The following PCDH7 variants were observed in gnomAD, a reference collection of about 807,000 sequenced individuals.
PCDH7 encodes the protein protocadherin-7.
Under a neutral mutation model 58.9 loss-of-function variants are expected in PCDH7, and 17 were observed. The ratio of observed to expected loss-of-function variants is 0.29; its 90% CI spans 0.20 to 0.43. The LOEUF is 0.43. Ranked by LOEUF, PCDH7 falls within the 20% of genes least tolerant of loss-of-function variation. The pLI, the probability that PCDH7 is intolerant of heterozygous loss-of-function variation, is 1.00. For synonymous variants in PCDH7, 664 were observed against 616.4 expected, an observed-to-expected ratio of 1.08 and a Z score of -1.14; for missense variants, 1,274 against 1,441.0, an observed-to-expected ratio of 0.88 and a Z score of 1.88.
intron 1 of PCDH7, among the ~76,000 whole-genome samples, chr4:30,839,112 T>C (rs979119499): frequency 2.0e-5 from 3 of 151,748 alleles, no homozygotes; most frequent in African/African-American, 7.3e-5. Context: ...ATCTATGTTA[T>C]ATGTAGTATA....
chr4:30,793,711 C>T (rs1365520792), intron 1 of PCDH7, among the ~76,000 whole-genome samples: 16 of 152,070 alleles, frequency 1.1e-4, no homozygotes, highest in African/African-American at 3.6e-4. Context: ...TCCACAAACT[C>T]GAAGCATATG....
chr4:30,724,180 G>A (rs375645975), exon 1 of PCDH7: 73 of 1,613,848 alleles, frequency 4.5e-5, no homozygotes, highest in Non-Finnish European at 5.8e-5. Context: ...AAAAGATCAC[G>A]AAGACTTTTT....
chr4:30,904,484 A>G (rs1223787122), intron 1 of PCDH7, among the ~76,000 whole-genome samples: 1 of 152,104 alleles, frequency 6.6e-6, no homozygotes, highest in Non-Finnish European at 1.5e-5. Flanking sequence ...TCAATAGACA[A>G]TTTACCCATT....
intron 1 of PCDH7, among the ~76,000 whole-genome samples, chr4:30,835,328 C>A (rs935767055): frequency 6.6e-6 from 1 of 151,854 alleles, no homozygotes; most frequent in African/African-American, 2.4e-5. Flanking sequence ...CTGTCTCCTG[C>A]CAGACGAGCG....
intron 3 of PCDH7, among the ~76,000 whole-genome samples, chr4:31,037,021 C>T (rs373380216): frequency 7.2e-5 from 11 of 152,072 alleles, no homozygotes; most frequent in Admixed American, 3.9e-4. Flanking sequence ...CCTCCCACCG[C>T]GTCCCTCCCA....
intron 3 of PCDH7, among the ~76,000 whole-genome samples, chr4:31,022,974 A>G (rs1267398038): frequency 2.0e-5 from 3 of 152,248 alleles, no homozygotes; most frequent in East Asian, 1.9e-4. Flanking sequence ...TGGAAGTAAC[A>G]TAATCAGGTA....
At chr4:30,940,484 G>A (rs1004387326) in intron 2 of PCDH7, among the ~76,000 whole-genome samples, 1 of 151,858 alleles carries the variant, frequency 6.6e-6, no homozygotes, top group Non-Finnish European at 1.5e-5. Flanking sequence ...TAATACACTA[G>A]CATAGTACAA....
intron 3 of PCDH7, among the ~76,000 whole-genome samples, chr4:30,969,028 G>A (rs1041311167): frequency 1.3e-5 from 2 of 152,020 alleles, no homozygotes; most frequent in East Asian, 1.9e-4. Context: ...CATTTTGTAC[G>A]TACTCTCGGT....
chr4:31,146,161 T>A (rs1351662194), downstream of PCDH7: 2 of 151,988 alleles, frequency 1.3e-5, no homozygotes, highest in Admixed American at 6.6e-5. Flanking sequence ...ACTAAGATGG[T>A]ACTGAGGATG....
rs111315231 is a variant in PCDH7, at chr4:31,105,104, C to T, written c.*8-37369C>T. Among the ~76,000 whole-genome samples, 21 of 152,240 alleles carry T rather than the reference C, an allele frequency of 1.4e-4. 1 individual carries two copies. The highest frequency in any genetic ancestry group is 4.6e-4 in the African/African-American group (19 of 41,544). On this transcript the variant is annotated intron_variant, in intron 3 of 3. Transcript: ENST00000509759. ...TAAAGTAGAATGGGGAATAAAGTTC[C>T]TCGTTGAAAATATTAAATCCTAAAC...
At chr4:30,750,119 A>G (rs1718313570) in intron 1 of PCDH7, among the ~76,000 whole-genome samples, 1 of 152,188 alleles carries the variant, frequency 6.6e-6, no homozygotes, top group African/African-American at 2.4e-5. Flanking sequence ...GAATGTAGAT[A>G]ATGCCATGTT....
intron 1 of PCDH7, among the ~76,000 whole-genome samples, chr4:30,836,520 T>C (rs775973465): frequency 2.0e-5 from 3 of 152,222 alleles, no homozygotes; most frequent in Non-Finnish European, 4.4e-5. Context: ...TAAGTTGCTT[T>C]ATAAAGAATA....
At chr4:31,123,880 C>T (rs1171804489) in intron 3 of PCDH7, among the ~76,000 whole-genome samples, 1 of 152,048 alleles carries the variant, frequency 6.6e-6, no homozygotes, top group Non-Finnish European at 1.5e-5. Context: ...TCCAACCGTC[C>T]CCAGCCAAAC....
At chr4:31,043,289 G>A (rs1398146294) in intron 3 of PCDH7, among the ~76,000 whole-genome samples, 3 of 151,986 alleles carry the variant, frequency 2.0e-5, no homozygotes, top group Admixed American at 1.3e-4. Context: ...TATTCCTTTG[G>A]GTATATACCC....
Position 30,880,053 on chromosome 4 carries a change from C to T in PCDH7, c.71-40100C>T, listed in dbSNP as rs551845822. On this transcript the variant is annotated intron_variant, in intron 1 of 3. Transcript: ENST00000509759. Reference sequence around the variant, plus strand: ...GAACCCCCACTCTTAGTCAGTATACCAGATTGACTCATGGAATATTTAATG... The same window carrying T: ...GAACCCCCACTCTTAGTCAGTATACTAGATTGACTCATGGAATATTTAATG... Among the ~76,000 whole-genome samples the T allele has an allele frequency of 1.8e-4, 27 of 152,144 alleles. No homozygotes were observed. The East Asian group carries it at 4.1e-3, about 23-fold the overall frequency.
chr4:31,076,461 C>T (rs1172747148), intron 3 of PCDH7, among the ~76,000 whole-genome samples: 1 of 152,110 alleles, frequency 6.6e-6, no homozygotes, highest in African/African-American at 2.4e-5. Flanking sequence ...TTTCCTAAAA[C>T]ATAAATAAGA....
At chr4:30,737,409 T>C (rs1203369748), downstream of PCDH7, among the ~76,000 whole-genome samples, 1 of 152,168 alleles carries the variant, frequency 6.6e-6, no homozygotes, top group Non-Finnish European at 1.5e-5. Context: ...TGTCAACACT[T>C]TGAGAGGCAA....
chr4:30,932,177 C>T (rs73812699), intron 2 of PCDH7, among the ~76,000 whole-genome samples: 2,143 of 152,110 alleles, frequency 0.014, 42 homozygotes, highest in African/African-American at 0.049. Flanking sequence ...ACATAAATCA[C>T]GGAAATAGAA....
intron 1 of PCDH7, among the ~76,000 whole-genome samples, chr4:30,767,401 C>T (rs1454082830): frequency 6.6e-6 from 1 of 152,086 alleles, no homozygotes; most frequent in Non-Finnish European, 1.5e-5. Flanking sequence ...AATTTCAGTG[C>T]CACAGGAAGT....
Sources: gnomAD v4.1 joint callset for allele counts (sites outside exome capture counted in the v4.1 genomes callset) on GRCh38, gnomAD v4.1.1 for gene constraint, MANE v1.5 for transcripts, NCBI Gene and HGNC (gene_info 2026-07-23, HGNC 2026-07-21) for gene names.